Variants in IQCM observed in about 807,000 individuals in gnomAD.
IQCM encodes IQ domain-containing protein M.
A neutral mutation model predicts 57.6 loss-of-function variants in IQCM; 45 were observed. The observed-to-expected ratio is 0.78, with a 90% confidence interval of 0.62 to 1.00. IQCM has a LOEUF of 1.00. Ranked by LOEUF, IQCM falls within the 50% of genes least tolerant of loss-of-function variation. The probability of loss-of-function intolerance (pLI) is 0.00; values close to 1 mark genes in which losing one functional copy is unlikely to be tolerated. For missense variants in IQCM, 468 were observed against 511.6 expected (o/e 0.91, Z 0.82); for synonymous variants, 148 against 158.9 (o/e 0.93, Z 0.51).
At chr4:149,690,494 T>A (rs1393229908) in intron 5 of IQCM, among the ~76,000 whole-genome samples, 1 of 152,002 alleles carries the variant, frequency 6.6e-6, no homozygotes, top group Non-Finnish European at 1.5e-5. Context: ...GGGTGATGGG[T>A]GCACCAAAAT....
intron 2 of IQCM, among the ~76,000 whole-genome samples, chr4:149,756,926 A>C (rs1318251511): frequency 6.6e-6 from 1 of 152,224 alleles, no homozygotes; most frequent in Non-Finnish European, 1.5e-5. Context: ...CTACCAGATA[A>C]ACCACACAGT....
At chr4:149,396,125 T>G (rs1050816188) in intron 13 of IQCM, among the ~76,000 whole-genome samples, 2 of 151,928 alleles carry the variant, frequency 1.3e-5, no homozygotes, top group Non-Finnish European at 2.9e-5. Context: ...TATGAATATT[T>G]TTAACATATA....
chr4:149,421,530 T>G (rs1192088833), intron 13 of IQCM, among the ~76,000 whole-genome samples: 1 of 152,036 alleles, frequency 6.6e-6, no homozygotes, highest in Non-Finnish European at 1.5e-5. Context: ...TTATAAAATT[T>G]TAAGTGTTTT....
At chr4:149,502,407 G>T (rs897051815) in intron 12 of IQCM, among the ~76,000 whole-genome samples, 1 of 152,140 alleles carries the variant, frequency 6.6e-6, no homozygotes, top group Admixed American at 6.5e-5. Context: ...AAAGGCTCAT[G>T]ATTTAAACCC....
chr4:149,468,727 T>C (rs1398914407), intron 12 of IQCM, among the ~76,000 whole-genome samples: 1 of 152,188 alleles, frequency 6.6e-6, no homozygotes, highest in African/African-American at 2.4e-5. Flanking sequence ...CACCTCCCAG[T>C]AGGGGCCAAC....
chr4:149,534,030 T>G (rs1747028531), intron 12 of IQCM, among the ~76,000 whole-genome samples: 1 of 152,196 alleles, frequency 6.6e-6, no homozygotes, highest in Admixed American at 6.6e-5. Context: ...CTGCTTTATT[T>G]GTCTTTAGAA....
chr4:149,352,209 C>T, intron 13 of IQCM, 143 bp from the exon 14 acceptor site: 1 of 392,496 alleles, frequency 2.5e-6, no homozygotes. Flanking sequence ...GGGCTCATTT[C>T]CTTCGGGTGT....
At chr4:149,418,825 C>T (rs545647763) in intron 13 of IQCM, among the ~76,000 whole-genome samples, 4 of 152,098 alleles carry the variant, frequency 2.6e-5, no homozygotes, top group Non-Finnish European at 5.9e-5. Context: ...GTGCAAAAGT[C>T]ACAAGCATTC....
chr4:149,591,118 A>C (rs1191987556), intron 8 of IQCM, among the ~76,000 whole-genome samples: 1 of 152,050 alleles, frequency 6.6e-6, no homozygotes, highest in Non-Finnish European at 1.5e-5. Context: ...CCTTTTCCCC[A>C]CATATTTTCT....
chr4:149,758,516 G>C (rs1160526328), intron 2 of IQCM, among the ~76,000 whole-genome samples: 1 of 152,100 alleles, frequency 6.6e-6, no homozygotes, highest in Non-Finnish European at 1.5e-5. Flanking sequence ...CTCTGTAAAA[G>C]ACACTGTCTT....
In IQCM at chr4:149,653,482, T is replaced by TTATA. The variant is rs144444984; in HGVS notation, c.565+28632_565+28635dup. On this transcript the variant is annotated intron_variant, in intron 7 of 13. Coordinates refer to ENST00000636793, the MANE Select transcript of IQCM (RefSeq NM_001363507.2). The stretch of plus-strand genomic sequence containing the variant: ...ACATATATGTGTGTGTGTGCACATT[T>TTATA]TATATATATATATATATCCTGCACA... Among the ~76,000 whole-genome samples the TTATA allele has an allele frequency of 2.5e-4, 38 of 149,424 alleles. No individual in the cohort carries two copies. In the East Asian group the frequency reaches 3.9e-3, roughly 15 times the overall value.
intron 12 of IQCM, among the ~76,000 whole-genome samples, chr4:149,436,560 T>G (rs373640263): frequency 1.3e-5 from 2 of 152,218 alleles, no homozygotes. Context: ...CTTTCATAAT[T>G]GCATTGTTAA....
intron 13 of IQCM, among the ~76,000 whole-genome samples, chr4:149,361,144 G>A (rs1428906215): frequency 6.6e-6 from 1 of 152,152 alleles, no homozygotes; most frequent in East Asian, 1.9e-4. Context: ...GCAGAACTTT[G>A]AATTTGAGAA....
Position 149,553,155 on chromosome 4 carries a change from C to T in IQCM, c.1081G>A (p.Asp361Asn), listed in dbSNP as rs1314186131. 8.1e-7 allele frequency: 1 copy of T among 1,231,910 alleles called. No homozygotes were observed. Among genetic ancestry groups the T allele is most frequent in the East Asian group, 3.2e-5 (1 of 31,670 alleles). The allele number at this position is 1,231,910 out of a possible 1,614,324, so 76.3% of individuals were successfully genotyped here. A position where few individuals can be genotyped will look rare whatever the true frequency, so the allele number is the denominator to read the frequency against. The change falls in exon 11 of 14, where the codon GAC (aspartate) becomes AAC (asparagine). Residue 361 changes from aspartate to asparagine, a missense_variant. Transcript: ENST00000636793. ...CTGCATCACTTACATTTTTTTCGGT[C>T]CATCCACTCCTCTAGCTCTGCTAAG... ...LNLAELEEWM[D>N]RKKFYEIMFA...
At position 149,660,602 on chromosome 4, in the gene IQCM, A is replaced by C. The variant is rs886588236; in HGVS notation, c.565+21516T>G. Reference sequence around the variant, plus strand: ...CAACCCAAATGTCCAACAATGATAGACTGGATTAAGAAAATGTGGCACATA... The same window carrying C: ...CAACCCAAATGTCCAACAATGATAGCCTGGATTAAGAAAATGTGGCACATA... On this transcript the variant is annotated intron_variant, in intron 7 of 13. Coordinates refer to ENST00000636793, the MANE Select transcript of IQCM (RefSeq NM_001363507.2). Among the ~76,000 whole-genome samples, 10 of 152,314 alleles carry C rather than the reference A, an allele frequency of 6.6e-5. No individual in the cohort carries two copies. In the South Asian group the frequency reaches 1.2e-3, roughly 19 times the overall value.
chr4:149,803,920 T>C (rs751062893), intron 2 of IQCM, among the ~76,000 whole-genome samples: 2 of 151,788 alleles, frequency 1.3e-5, no homozygotes, highest in Non-Finnish European at 1.5e-5. Context: ...CTTCTGAGGG[T>C]CTCAGTCTTT....
At chr4:149,356,821 T>A (rs1249790092) in intron 13 of IQCM, among the ~76,000 whole-genome samples, 1 of 152,230 alleles carries the variant, frequency 6.6e-6, no homozygotes, top group African/African-American at 2.4e-5. Flanking sequence ...ATTGAATCTA[T>A]AAATTACCTT....
At chr4:149,417,188 A>C (rs2111199609) in intron 13 of IQCM, among the ~76,000 whole-genome samples, 1 of 152,294 alleles carries the variant, frequency 6.6e-6, no homozygotes, top group South Asian at 2.1e-4. Context: ...AAAGTTGCAT[A>C]AAATAGTTTT....
At chr4:149,734,157 C>T (rs1263631315) in intron 4 of IQCM, among the ~76,000 whole-genome samples, 1 of 151,932 alleles carries the variant, frequency 6.6e-6, no homozygotes, top group Non-Finnish European at 1.5e-5. Flanking sequence ...TTCCCTATTC[C>T]CCCAACAACA....
Sources: gnomAD v4.1 joint callset for allele counts (sites outside exome capture counted in the v4.1 genomes callset) on GRCh38, gnomAD v4.1.1 for gene constraint, MANE v1.5 for transcripts, NCBI Gene and HGNC (gene_info 2026-07-23, HGNC 2026-07-21) for gene names.